SMG5: variants seen among roughly 807,000 people sequenced by gnomAD.
The protein encoded by SMG5 is SMG5 nonsense mediated mRNA decay factor, also known as nonsense-mediated mRNA decay factor SMG5.
SMG5 carries 53 observed loss-of-function variants against 122.9 expected under a neutral mutation model. The ratio of observed to expected loss-of-function variants is 0.43; its 90% CI spans 0.35 to 0.54. SMG5 has a LOEUF of 0.54. Among genes scored for constraint, SMG5 ranks in the 20% least tolerant of loss-of-function variants. The pLI, the probability that SMG5 is intolerant of heterozygous loss-of-function variation, is 0.01. For synonymous variants in SMG5, 477 were observed against 490.2 expected (o/e 0.97, Z 0.35); for missense variants, 1,153 against 1,285.6 (o/e 0.90, Z 1.58).
In SMG5 at chr1:156,256,316, T is replaced by C. The variant is rs887263943; in HGVS notation, c.2442+2689A>G. Among the ~76,000 whole-genome samples the C allele has an allele frequency of 1.3e-3, 182 of 144,576 alleles. 1 individual carries two copies. Among genetic ancestry groups the C allele is most frequent in the African/African-American group, 4.7e-3 (174 of 36,914 alleles). 94.8% of individuals were successfully genotyped at this position (144,576 alleles called of 152,430 possible). ...GGTGAGAGCCATCTTCTCTCTTTTT[T>C]TTTTTTTTTTTTTTTTTTGAGGCAG... On this transcript the variant is annotated intron_variant, in intron 16 of 21. Transcript: ENST00000361813.
At chr1:156,252,347 T>G in intron 19 of SMG5, 67 bp downstream of exon 19, 3 of 1,491,936 alleles carry the variant, frequency 2.0e-6, no homozygotes, top group Non-Finnish European at 2.8e-6. Flanking sequence ...CAAGGGGCTT[T>G]CATAAGCATG....
rs1333306602 is a variant in SMG5, at chr1:156,259,166, G to A, written c.2284-3C>T. ...ATGCAGCAGATGCGCACCACTGACT[G>A]TGGGGAGATACAGGAGCCCAGCGCT... is the stretch of plus-strand genomic sequence containing the variant. On this transcript the variant is annotated splice_region_variant and splice_polypyrimidine_tract_variant and intron_variant, in intron 15 of 21. Transcript: ENST00000361813. The A allele has an allele frequency of 2.6e-6, 4 of 1,565,748 alleles. No homozygotes were observed. Among genetic ancestry groups the A allele is most frequent in the African/African-American group, 1.4e-5 (1 of 73,480 alleles).
At chr1:156,272,464 C>A in intron 6 of SMG5, 66 bp from the exon 7 acceptor site, 1 of 1,324,324 alleles carries the variant, frequency 7.6e-7, no homozygotes, top group Non-Finnish European at 1.1e-6. Context: ...CAGGCCCAAC[C>A]AATGCTAAGC....
chr1:156,284,900 G>A (rs1278668285), upstream of SMG5, among the ~76,000 whole-genome samples: 1 of 152,162 alleles, frequency 6.6e-6, no homozygotes. Flanking sequence ...AGAAGGCGTG[G>A]GTGGAGGCTG....
chr1:156,260,435 G>A lies in SMG5; in HGVS notation c.2283+16C>T. 1.3e-6 allele frequency: 2 copies of A among 1,594,236 alleles called. No homozygotes were observed. The highest frequency in any genetic ancestry group is 1.7e-6 in the Non-Finnish European group (2 of 1,172,904). ...ACTGACAAACAGAGCTGTGGCATAA[G>A]AAATGCTATCCTTACCTCCTCTAAG... is the stretch of plus-strand genomic sequence containing the variant. On this transcript the variant is annotated intron_variant, in intron 15 of 21. Coordinates refer to ENST00000361813, the MANE Select transcript of SMG5 (RefSeq NM_015327.3).
chr1:156,261,550 C>G, intron 13 of SMG5, 142 bp from the exon 14 acceptor site: 1 of 692,388 alleles, frequency 1.4e-6, no homozygotes. Context: ...ACAAAAGAAG[C>G]CTGGACAACA....
rs35318466 is a variant in SMG5 at position 156,272,578 on chromosome 1, C to CTT, written c.635-182_635-181dup. Among the ~76,000 whole-genome samples the CTT allele has an allele frequency of 2.0e-5, 3 of 146,488 alleles. No individual in the cohort carries two copies. In the South Asian group the frequency reaches 6.5e-4, roughly 32 times the overall value. On this transcript the variant is annotated intron_variant, in intron 6 of 21. Coordinates refer to ENST00000361813, the MANE Select transcript of SMG5 (RefSeq NM_015327.3). ...TCCTCTAGAGGATTACTGACCTCTT[C>CTT]TTTTTTTTTTTGGAGATGGAGTCTC...
intron 16 of SMG5, among the ~76,000 whole-genome samples, chr1:156,256,426 C>G (rs1021232999): frequency 6.6e-6 from 1 of 151,434 alleles, no homozygotes; most frequent in Non-Finnish European, 1.5e-5. Flanking sequence ...TCTCACAGGC[C>G]CTGTGGGCAA....
Position 156,282,519 on chromosome 1 carries a change from ACCCGGGCCCCGCCCG to A in SMG5, c.74+73_74+87del, listed in dbSNP as rs966284186. ...TTCCTCACCCGCACCTCACCCCGAC[ACCCGGGCCCCGCCCG>A]CCCGGGAGGCCCCGCCCCTCGCCGT... On this transcript the variant is annotated intron_variant, in intron 1 of 21. Transcript: ENST00000361813. 9 of 1,422,160 alleles carry A rather than the reference ACCCGGGCCCCGCCCG, an allele frequency of 6.3e-6. No homozygotes were observed. In the Admixed American group the frequency reaches 1.5e-4, roughly 24 times the overall value. The allele number at this position is 1,422,160 out of a possible 1,614,324, so 88.1% of individuals were successfully genotyped here. A position where few individuals can be genotyped will look rare whatever the true frequency, so the allele number is the denominator to read the frequency against.
intron 13 of SMG5, among the ~76,000 whole-genome samples, chr1:156,261,777 C>T (rs951212812): frequency 3.8e-4 from 57 of 151,772 alleles, no homozygotes; most frequent in African/African-American, 1.3e-3. Flanking sequence ...ATAATCCCAG[C>T]TACTCGGGAG....
intron 12 of SMG5, 51 bp downstream of exon 12, chr1:156,265,730 C>T (rs772830262): frequency 1.3e-6 from 2 of 1,578,050 alleles, no homozygotes; most frequent in Non-Finnish European, 1.7e-6. Flanking sequence ...TGGTGAGTGT[C>T]TATGGCATGG....
At position 156,277,914 on chromosome 1, in the gene SMG5, C is replaced by T; in HGVS notation, c.297+11G>A. On this transcript the variant is annotated intron_variant, in intron 3 of 21. Coordinates refer to ENST00000361813, the MANE Select transcript of SMG5 (RefSeq NM_015327.3). ...TTGGCTTTCCCTCTTTAGACAAGGACTTCCCCTTACCTTTTTGTTAGTCTT... is the reference window on the plus strand; with the variant it reads ...TTGGCTTTCCCTCTTTAGACAAGGATTTCCCCTTACCTTTTTGTTAGTCTT... 1 of 1,613,672 alleles carries T rather than the reference C, an allele frequency of 6.2e-7. No homozygotes were observed. Among genetic ancestry groups the T allele is most frequent in the East Asian group, 2.2e-5 (1 of 44,878 alleles).
chr1:156,264,790 C>T (rs1006138353), intron 12 of SMG5, among the ~76,000 whole-genome samples: 2 of 152,078 alleles, frequency 1.3e-5, no homozygotes, highest in African/African-American at 4.8e-5. Context: ...CTTTGGGAGG[C>T]CAAGGTAGGA....
Position 156,266,625 on chromosome 1 carries a change from G to A in SMG5, c.1171C>T (p.Leu391Phe), listed in dbSNP as rs1250384388. ...IAFTLALFSH[L>F]VNHVNIRLQA... is the part of the protein sequence containing the mutation. ...AGCCGTATGTTGACATGATTGACGAGGTGGGAAAAGAGGGCCAGGGTGAAG... is the reference window on the plus strand; with the variant it reads ...AGCCGTATGTTGACATGATTGACGAAGTGGGAAAAGAGGGCCAGGGTGAAG... The change falls in exon 11 of 22, where the codon CTC becomes TTC. Residue 391 changes from leucine (L) to phenylalanine (F), a missense_variant. Coordinates refer to ENST00000361813, the MANE Select transcript of SMG5 (RefSeq NM_015327.3). 3 of 1,614,006 alleles carry A rather than the reference G, an allele frequency of 1.9e-6. No homozygotes were observed. The highest frequency in any genetic ancestry group is 1.7e-6 in the Non-Finnish European group (2 of 1,180,042).
chr1:156,257,386 C>T (rs976870119), intron 16 of SMG5, among the ~76,000 whole-genome samples: 4 of 152,184 alleles, frequency 2.6e-5, no homozygotes, highest in Non-Finnish European at 4.4e-5. Flanking sequence ...ATAAGCCCTT[C>T]GGGGTGGAAG....
intron 17 of SMG5, 83 bp from the exon 18 acceptor site, chr1:156,253,161 T>G: frequency 7.0e-7 from 1 of 1,430,476 alleles, no homozygotes; most frequent in Non-Finnish European, 9.3e-7. Context: ...AAGGTGGCTC[T>G]ATGGGGCTCC....
chr1:156,285,708 C>T (rs2101587367), upstream of SMG5: 3 of 1,613,392 alleles, frequency 1.9e-6, no homozygotes, highest in East Asian at 2.2e-5. Flanking sequence ...ACCTTCATGC[C>T]CCCCCGGGTC....
chr1:156,275,162 GACA>G (rs998756113), intron 4 of SMG5, among the ~76,000 whole-genome samples: 13 of 127,536 alleles, frequency 1.0e-4, no homozygotes, highest in South Asian at 2.6e-4. Flanking sequence ...CAAAAACAAC[GACA>G]ACAACAAAAT....
chr1:156,270,973 C>T (rs1662386800), intron 7 of SMG5, among the ~76,000 whole-genome samples: 1 of 151,460 alleles, frequency 6.6e-6, no homozygotes, highest in Non-Finnish European at 1.5e-5. Context: ...TGCCATTGCA[C>T]TCCAGCCTGG....
Sources: allele counts gnomAD v4.1 joint callset (sites outside exome capture counted in the v4.1 genomes callset), GRCh38; gene constraint gnomAD v4.1.1; transcripts MANE v1.5; gene names NCBI Gene and HGNC (gene_info 2026-07-23, HGNC 2026-07-21).